SIRT3: variants seen among roughly 807,000 people sequenced by gnomAD.
SIRT3 encodes the protein sirtuin 3.
A neutral mutation model predicts 33.5 loss-of-function variants in SIRT3; 26 were observed. The observed-to-expected ratio is 0.78, with a 90% CI of 0.57 to 1.08. SIRT3 has a LOEUF of 1.08. Among genes scored for constraint, SIRT3 ranks in the 50% least tolerant of loss-of-function variants. SIRT3 has a pLI of 0.00. For synonymous variants in SIRT3, 237 were observed against 222.1 expected, an observed-to-expected ratio of 1.07 and a Z score of -0.60; for missense variants, 585 against 530.1, an observed-to-expected ratio of 1.10 and a Z score of -1.02.
At chr11:224,343 A>G (rs1319657929) in intron 4 of SIRT3, 104 bp from the exon 5 acceptor site, 16 of 1,244,480 alleles carry the variant, frequency 1.3e-5, no homozygotes, top group Non-Finnish European at 1.6e-5. Flanking sequence ...CCCCCAAAAA[A>G]GGTGAGAGAG....
At position 230,498 on chromosome 11, in the gene SIRT3, G is replaced by A. The variant is rs1276726731; in HGVS notation, c.761C>T (p.Ala254Val). Residue 254 changes from alanine to valine, a missense_variant, in exon 4 of 7, where the codon GCC becomes GTC. Physicochemically the swap from Ala to Val is moderately conservative, Grantham distance 64. Transcript: ENST00000382743. ...GGGTCTTTGGCAGACTGTGCAGGTG[G>A]CAGAGGCAAAGGTTCCATGAGCTTC... ...LVEAHGTFAS[A>V]TCTVCQRPFP... 3 of 1,541,104 alleles carry A rather than the reference G, an allele frequency of 1.9e-6. No individual in the cohort carries two copies. Among genetic ancestry groups the A allele is most frequent in the East Asian group, 2.6e-5 (1 of 39,056 alleles).
Position 218,694 on chromosome 11 carries a change from A to T in SIRT3, c.1179+138T>A, listed in dbSNP as rs1275874488. ...AAGTAACACCCAGTCAGGTCCAGGT[A>T]GTGCCTGGTGCAGGATTCACAGCAT... is the stretch of plus-strand genomic sequence containing the variant. On this transcript the variant is annotated intron_variant, in intron 6 of 6. Coordinates refer to ENST00000382743, the MANE Select transcript of SIRT3 (RefSeq NM_012239.6). 4 of 1,461,636 alleles carry T rather than the reference A, an allele frequency of 2.7e-6. No homozygotes were observed. The African/African-American group carries it at 5.6e-5, about 20-fold the overall frequency. The allele number at this position is 1,461,636 out of a possible 1,614,324, so 90.5% of individuals were successfully genotyped here. A position where few individuals can be genotyped will look rare whatever the true frequency, so the allele number is the denominator to read the frequency against.
chr11:236,337 C>G lies in SIRT3; in HGVS notation c.-9G>C, dbSNP rs147924046. 65,751 of 1,385,434 alleles carry G rather than the reference C, an allele frequency of 0.047. 1,744 individuals carry two copies. Among genetic ancestry groups the G allele is most frequent in the South Asian group, 0.066 (4,209 of 63,482 alleles). The allele number at this position is 1,385,434 out of a possible 1,614,324, so 85.8% of individuals were successfully genotyped here. A position where few individuals can be genotyped will look rare whatever the true frequency, so the allele number is the denominator to read the frequency against. On this transcript the variant is annotated 5_prime_UTR_variant, in exon 1 of 7. Coordinates refer to ENST00000382743, the MANE Select transcript of SIRT3 (RefSeq NM_012239.6). ...CAACCCCAGAACGCCATGTTCCGCG[C>G]AGTCCAAGGAGTCCTCCGGACTCGC... is the stretch of plus-strand genomic sequence containing the variant.
intron 4 of SIRT3, among the ~76,000 whole-genome samples, chr11:225,125 T>A (rs1856987072): frequency 6.6e-6 from 1 of 151,398 alleles, no homozygotes. Flanking sequence ...TTGAAATATC[T>A]ATCAAAGGCC....
chr11:230,474 G>T lies in SIRT3; in HGVS notation c.785C>A (p.Pro262His), dbSNP rs61748606. The T allele has an allele frequency of 5.9e-3, 8,944 of 1,505,370 alleles. 53 individuals are homozygous for T. Among genetic ancestry groups the T allele is most frequent in the African/African-American group, 0.022 (1,542 of 70,080 alleles). The allele number at this position is 1,505,370 out of a possible 1,614,324, so 93.3% of individuals were successfully genotyped here. A position where few individuals can be genotyped will look rare whatever the true frequency, so the allele number is the denominator to read the frequency against. ...ASATCTVCQR[P>H]FPGEDIRADV... ...CACCCGAATGTCCTCCCCTGGGAAG[G>T]GTCTTTGGCAGACTGTGCAGGTGGC... The change falls in exon 4 of 7, where the codon CCC becomes CAC. Residue 262 changes from proline (P) to histidine (H), a missense_variant. Physicochemically the swap from Pro to His is moderately conservative, Grantham distance 77. Coordinates refer to ENST00000382743, the MANE Select transcript of SIRT3 (RefSeq NM_012239.6).
intron 4 of SIRT3, among the ~76,000 whole-genome samples, chr11:226,862 G>T (rs34541280): frequency 0.16 from 23,416 of 147,156 alleles, 2,296 homozygotes; most frequent in Middle Eastern, 0.23. Context: ...CAAGCAATTC[G>T]CCTGCCTCAG....
At chr11:221,717 C>T (rs1459782173) in intron 5 of SIRT3, among the ~76,000 whole-genome samples, 3 of 152,192 alleles carry the variant, frequency 2.0e-5, no homozygotes, top group Non-Finnish European at 4.4e-5. Flanking sequence ...ACCAGCCTTA[C>T]AGACATGGGT....
chr11:223,940 G>A lies in SIRT3; in HGVS notation c.969+138C>T, dbSNP rs11246013. 9.2e-3 allele frequency: 3,043 copies of A among 329,434 alleles called. 653 individuals carry two copies. Among genetic ancestry groups the A allele is most frequent in the South Asian group, 0.028 (760 of 27,188 alleles). The allele number at this position is 329,434 out of a possible 1,614,324, so 20.4% of individuals were successfully genotyped here. On this transcript the variant is annotated intron_variant, in intron 5 of 6. Transcript: ENST00000382743. This position sits in a 1 kb window ranked among gnomAD's most constrained non-coding sequence, Gnocchi z 4.8. ...CACAGGCCTGCCGACAGCCCATGAG[G>A]TGACTCCTGTACCCCTCCCTTCCCC...
At chr11:235,186 G>C (rs1858799153) in intron 1 of SIRT3, among the ~76,000 whole-genome samples, 1 of 134,330 alleles carries the variant, frequency 7.4e-6, no homozygotes, top group African/African-American at 2.9e-5. Context: ...AACTCTTCAG[G>C]ATCTATTAAA....
At chr11:224,266 G>A (rs1457494149) in intron 4 of SIRT3, 27 bp from the exon 5 acceptor site, 2 of 1,609,974 alleles carry the variant, frequency 1.2e-6, no homozygotes, top group Non-Finnish European at 1.7e-6. Context: ...ACAGGCCTGA[G>A]GAAGATGCCT....
At chr11:236,913 C>T, upstream of SIRT3, 1 of 724,174 alleles carries the variant, frequency 1.4e-6, no homozygotes, top group Non-Finnish European at 2.4e-6. Context: ...ACCAGCGGGG[C>T]CCGCCCCCGG....
At chr11:220,766 A>G (rs984169115) in intron 5 of SIRT3, among the ~76,000 whole-genome samples, 1 of 152,246 alleles carries the variant, frequency 6.6e-6, no homozygotes, top group African/African-American at 2.4e-5. Flanking sequence ...AGGGATATTC[A>G]CCACAGCATT....
In SIRT3 at chr11:233,209, C is replaced by T. The variant is rs540449743; in HGVS notation, c.480G>A (p.Pro160=). ...GGAGGTTGCTGTACAGGCCACTCCC[C>T]GGCGATCTGCAGGGAGAGAAGAAAG... ...TPSGIPDFRS[P]GSGLYSNLQQ... is the part of the protein sequence containing the mutation. The change falls in exon 3 of 7, where the codon CCG becomes CCA. Residue 160 remains proline (P), a synonymous_variant. Transcript: ENST00000382743. 25 of 1,613,008 alleles carry T rather than the reference C, an allele frequency of 1.5e-5. No homozygotes were observed. The South Asian group carries it at 1.6e-4, about 11-fold the overall frequency.
At position 233,031 on chromosome 11, in the gene SIRT3, C is replaced by G. The variant is rs1229792411; in HGVS notation, c.658G>C (p.Gly220Arg). Residue 220 changes from glycine (G) to arginine (R), a missense_variant, in exon 3 of 7, where the codon GGG becomes CGG. By Grantham distance (125) the Gly-to-Arg change is moderately radical. Transcript: ENST00000382743. ...TGCGTGTAGAGCCGCAGAAGCAGCC[C>G]CTTGTCATGAAGCAGCCGGAGAAAG... ...HYFLRLLHDK[G>R]LLLRLYTQNI... The G allele has an allele frequency of 6.2e-7, 1 of 1,613,962 alleles. No homozygotes were observed. Among genetic ancestry groups the G allele is most frequent in the South Asian group, 1.1e-5 (1 of 91,050 alleles).
At chr11:219,110 C>G (rs577716108) in intron 5 of SIRT3, 69 bp from the exon 6 acceptor site, 1 of 1,512,150 alleles carries the variant, frequency 6.6e-7, no homozygotes, top group East Asian at 2.5e-5. Context: ...TTTCATGCCA[C>G]AGCCACCGAG....
intron 2 of SIRT3, 52 bp from the exon 3 acceptor site, chr11:233,267 G>A (rs935583961): frequency 1.1e-5 from 17 of 1,601,458 alleles, no homozygotes; most frequent in Non-Finnish European, 1.5e-5. Flanking sequence ...ACAGGGAAGT[G>A]GAATAAACTG....
rs1412363023 is a variant in SIRT3 at position 216,722 on chromosome 11, G to T, written c.1180-4C>A. On this transcript the variant is annotated splice_region_variant and splice_polypyrimidine_tract_variant and intron_variant, in intron 6 of 6. Coordinates refer to ENST00000382743, the MANE Select transcript of SIRT3 (RefSeq NM_012239.6). The stretch of plus-strand genomic sequence containing the variant: ...CCTATTTGTCTGGTCCATCAAGCTG[G>T]AATACAGAAGACAGAGGGTATCAGC... 6.2e-7 allele frequency: 1 copy of T among 1,614,080 alleles called. No homozygotes were observed. The highest frequency in any genetic ancestry group is 8.5e-7 in the Non-Finnish European group (1 of 1,179,966).
At position 219,000 on chromosome 11, in the gene SIRT3, T is replaced by C. The variant is rs200051752; in HGVS notation, c.1011A>G (p.Ser337=). The part of the protein sequence containing the change: ...FASLTEAVRS[S]VPRLLINRDL... The stretch of plus-strand genomic sequence containing the variant: ...CCCGGTTGATGAGCAGTCGGGGAAC[T>C]GAGCTCCGCACGGCCTCGGTCAAGC... The change falls in exon 6 of 7, where the codon TCA becomes TCG. Residue 337 remains serine, a synonymous_variant. Coordinates refer to ENST00000382743, the MANE Select transcript of SIRT3 (RefSeq NM_012239.6). The C allele has an allele frequency of 3.1e-6, 5 of 1,614,062 alleles. No individual in the cohort carries two copies. In the African/African-American group the frequency reaches 4.0e-5, roughly 13 times the overall value.
chr11:222,968 A>G (rs1465547078), intron 5 of SIRT3: 1 of 152,114 alleles, frequency 6.6e-6, no homozygotes, highest in African/African-American at 2.4e-5. Flanking sequence ...CTCCTAACAA[A>G]CTATATAACT....
Sources: allele counts gnomAD v4.1 joint callset (sites outside exome capture counted in the v4.1 genomes callset), GRCh38; gene constraint gnomAD v4.1.1; non-coding constraint Gnocchi (gnomAD v3.1); transcripts MANE v1.5; gene names NCBI Gene and HGNC (gene_info 2026-07-23, HGNC 2026-07-21).